SLC17A5: variants seen among roughly 807,000 people sequenced by gnomAD.
SLC17A5 encodes sialin.
In SLC17A5, 47 loss-of-function variants were observed where a neutral mutation model predicts 59.4. The observed-to-expected ratio is 0.79, with a 90% CI of 0.63 to 1.01. SLC17A5 has a LOEUF of 1.01. SLC17A5 is among the 50% of genes least tolerant of loss of function. The pLI is 0.00. For synonymous variants in SLC17A5, 202 were observed against 210.7 expected, an observed-to-expected ratio of 0.96 and a Z score of 0.36; for missense variants, 522 against 595.5, an observed-to-expected ratio of 0.88 and a Z score of 1.28.
intron 9 of SLC17A5, among the ~76,000 whole-genome samples, chr6:73,606,601 G>GCT (rs55634092): frequency 0.11 from 16,301 of 152,118 alleles, 1,034 homozygotes; most frequent in Middle Eastern, 0.17. Flanking sequence ...GATGCTTGAA[G>GCT]CTCAGGCACA....
At chr6:73,601,904 C>G (rs1275760022) in intron 9 of SLC17A5, among the ~76,000 whole-genome samples, 1 of 151,838 alleles carries the variant, frequency 6.6e-6, no homozygotes, top group East Asian at 2.0e-4. Context: ...AGTGAGGAGC[C>G]CCTCTGCCCG....
intron 1 of SLC17A5, among the ~76,000 whole-genome samples, chr6:73,650,767 G>A (rs1348741426): frequency 1.3e-5 from 2 of 151,934 alleles, no homozygotes; most frequent in Admixed American, 1.3e-4. Context: ...AGGGCTGAAA[G>A]TTTAGGAAAA....
chr6:73,621,936 C>T lies in SLC17A5; in HGVS notation c.846G>A (p.Trp282Ter), dbSNP rs1173404722. The T allele has an allele frequency of 6.2e-7, 1 of 1,613,940 alleles. No homozygotes were observed. ...NQLSSQKSVP[W>*]VPILKSLPLW... is the part of the protein sequence containing the mutation. The stretch of plus-strand genomic sequence containing the variant: ...GTGGCAGGGATTTTAAAATGGGTAC[C>T]CACGGCACTGACTTCTGTGAAGAAA... The change falls in exon 7 of 11, where the codon TGG becomes TGA. Residue 282 changes from tryptophan (W) to a stop codon, truncating the protein, a stop_gained. Coordinates refer to ENST00000355773, the MANE Select transcript of SLC17A5 (RefSeq NM_012434.5). LOFTEE classifies it high-confidence loss of function.
chr6:73,623,786 C>T (rs1460040789), intron 6 of SLC17A5, among the ~76,000 whole-genome samples: 1 of 151,856 alleles, frequency 6.6e-6, no homozygotes, highest in Non-Finnish European at 1.5e-5. Flanking sequence ...CAACTTCTCT[C>T]TCCCAGGTTC....
At chr6:73,649,154 C>T (rs1463709698) in intron 1 of SLC17A5, among the ~76,000 whole-genome samples, 1 of 152,056 alleles carries the variant, frequency 6.6e-6, no homozygotes, top group South Asian at 2.1e-4. Context: ...TGCATCACCA[C>T]ACCCAGCTAA....
chr6:73,616,640 GCT>G (rs1338881403), intron 7 of SLC17A5, among the ~76,000 whole-genome samples: 1 of 137,676 alleles, frequency 7.3e-6, no homozygotes, highest in Non-Finnish European at 1.5e-5. Flanking sequence ...ACAGAGTCTT[GCT>G]CTGTTGCCTA....
intron 9 of SLC17A5, among the ~76,000 whole-genome samples, chr6:73,608,637 C>T (rs1003609512): frequency 1.3e-5 from 2 of 152,152 alleles, no homozygotes; most frequent in Non-Finnish European, 1.5e-5. Flanking sequence ...ACATCCTAAG[C>T]GATAACATAG....
chr6:73,624,119 T>G (rs1402886147), intron 6 of SLC17A5, among the ~76,000 whole-genome samples: 2 of 152,024 alleles, frequency 1.3e-5, no homozygotes, highest in African/African-American at 4.8e-5. Context: ...ATCAACAAAT[T>G]ATGGCTGGGC....
At chr6:73,624,928 G>A (rs1411443545) in intron 6 of SLC17A5, among the ~76,000 whole-genome samples, 2 of 152,014 alleles carry the variant, frequency 1.3e-5, no homozygotes, top group Non-Finnish European at 2.9e-5. Flanking sequence ...CCTGTTTATT[G>A]ATTCTTGCAT....
intron 7 of SLC17A5, chr6:73,618,575 C>T (rs1168134268): frequency 3.8e-6 from 2 of 519,806 alleles, no homozygotes; most frequent in Non-Finnish European, 7.3e-6. Flanking sequence ...GAAGGATGTT[C>T]CTTCAGGAGG....
intron 6 of SLC17A5, among the ~76,000 whole-genome samples, chr6:73,627,866 C>T (rs1009683881): frequency 2.6e-5 from 4 of 151,152 alleles, no homozygotes; most frequent in Non-Finnish European, 4.4e-5. Flanking sequence ...TAACCTCAGG[C>T]GATCCACCTG....
intron 2 of SLC17A5, among the ~76,000 whole-genome samples, chr6:73,643,771 C>T (rs535884947): frequency 6.6e-6 from 1 of 152,254 alleles, no homozygotes; most frequent in African/African-American, 2.4e-5. Context: ...GTCACTGCAC[C>T]CAGCCTGCAA....
chr6:73,635,029 C>A (rs1581981953), intron 6 of SLC17A5, among the ~76,000 whole-genome samples: 1 of 144,920 alleles, frequency 6.9e-6, no homozygotes, highest in South Asian at 2.1e-4. Context: ...ACTATACTTT[C>A]TATAAAAAAT....
intron 1 of SLC17A5, among the ~76,000 whole-genome samples, chr6:73,651,602 G>C (rs1419558404): frequency 6.6e-6 from 1 of 151,580 alleles, no homozygotes; most frequent in Non-Finnish European, 1.5e-5. Context: ...GAGTGCAGGG[G>C]CGTGATCTCG....
At chr6:73,629,377 A>G (rs1768588832) in intron 6 of SLC17A5, among the ~76,000 whole-genome samples, 1 of 152,128 alleles carries the variant, frequency 6.6e-6, no homozygotes. Flanking sequence ...AGGCAACAGA[A>G]CCAGACTTTG....
At chr6:73,605,861 C>T (rs1767366959) in intron 9 of SLC17A5, among the ~76,000 whole-genome samples, 1 of 151,898 alleles carries the variant, frequency 6.6e-6, no homozygotes, top group African/African-American at 2.4e-5. Context: ...CCTGTAATCC[C>T]AGCTACTTGG....
At chr6:73,598,854 C>T (rs912051359) in intron 10 of SLC17A5, among the ~76,000 whole-genome samples, 1 of 151,902 alleles carries the variant, frequency 6.6e-6, no homozygotes, top group African/African-American at 2.4e-5. Flanking sequence ...CGTGGTGGCA[C>T]ATGCCTGTAA....
At position 73,635,182 on chromosome 6, in the gene SLC17A5, C is replaced by T. The variant is rs1768937946; in HGVS notation, c.819+200G>A. ...TCCTGACCTCAAATGATCCTCCCAC[C>T]TAGACCTCCCCAAAGGACTGGGATT... On this transcript the variant is annotated intron_variant, in intron 6 of 10. Transcript: ENST00000355773. 11 of 432,256 alleles carry T rather than the reference C, an allele frequency of 2.5e-5. No individual in the cohort carries two copies. In the East Asian group the frequency reaches 4.2e-4, roughly 16 times the overall value. 26.8% of individuals were successfully genotyped at this position (432,256 alleles called of 1,614,324 possible). A position where few individuals can be genotyped will look rare whatever the true frequency, so the allele number is the denominator to read the frequency against.
intron 9 of SLC17A5, among the ~76,000 whole-genome samples, chr6:73,602,431 T>C (rs1767180337): frequency 7.3e-6 from 1 of 137,850 alleles, no homozygotes; most frequent in African/African-American, 2.8e-5. Flanking sequence ...CCAAGAATGA[T>C]CAATAAAAAA....
Sources: allele counts gnomAD v4.1 joint callset (sites outside exome capture counted in the v4.1 genomes callset), GRCh38; gene constraint gnomAD v4.1.1; transcripts MANE v1.5; gene names NCBI Gene and HGNC (gene_info 2026-07-23, HGNC 2026-07-21).